The following SEC31A variants were observed in gnomAD, a reference collection of about 807,000 sequenced individuals.
SEC31A encodes the protein SEC31 homolog A, COPII component.
In SEC31A, 70 loss-of-function variants were observed where a neutral mutation model predicts 151.0. The observed-to-expected ratio is 0.46, with a 90% confidence interval of 0.38 to 0.57. SEC31A has a LOEUF of 0.57. Ranked by LOEUF, SEC31A falls within the 20% of genes least tolerant of loss-of-function variation. The pLI, the probability that SEC31A is intolerant of heterozygous loss-of-function variation, is 0.00. For synonymous variants in SEC31A, 475 were observed against 505.9 expected (o/e 0.94, Z 0.82); for missense variants, 1,330 against 1,471.2 (o/e 0.90, Z 1.57).
chr4:82,871,685 T>C (rs902063683), intron 7 of SEC31A: 21 of 526,802 alleles, frequency 4.0e-5, no homozygotes, highest in Non-Finnish European at 5.6e-5. Context: ...TATAAAACTA[T>C]AAAAATTTCC....
At chr4:82,849,797 T>TA (rs767211296) in intron 19 of SEC31A, among the ~76,000 whole-genome samples, 3 of 152,050 alleles carry the variant, frequency 2.0e-5, no homozygotes, top group Non-Finnish European at 4.4e-5. Context: ...CATAGAGACT[T>TA]ACAAAAGTAT....
At chr4:82,890,787 C>G (rs1719536573) in intron 1 of SEC31A, 1 of 1,274,266 alleles carries the variant, frequency 7.8e-7, no homozygotes, top group African/African-American at 1.6e-5. Flanking sequence ...CTCCTAATCT[C>G]AAACTCCAGT....
intron 10 of SEC31A, 29 bp downstream of exon 10, chr4:82,866,779 T>C (rs925943900): frequency 2.0e-5 from 32 of 1,590,448 alleles, no homozygotes; most frequent in Non-Finnish European, 2.6e-5. Flanking sequence ...CCTTTGTGCC[T>C]ATGGACCATA....
At chr4:82,847,485 A>G (rs1054436315) in intron 20 of SEC31A, among the ~76,000 whole-genome samples, 3 of 152,236 alleles carry the variant, frequency 2.0e-5, no homozygotes, top group African/African-American at 7.2e-5. Context: ...AAGGACATAA[A>G]GAGCAAATAT....
At chr4:82,836,136 A>G (rs1727187243) in intron 22 of SEC31A, among the ~76,000 whole-genome samples, 1 of 152,148 alleles carries the variant, frequency 6.6e-6, no homozygotes, top group South Asian at 2.1e-4. Flanking sequence ...GCACTTTGGG[A>G]GGCCAAGGTG....
chr4:82,890,849 G>C, intron 1 of SEC31A: 1 of 1,333,380 alleles, frequency 7.5e-7, no homozygotes, highest in Non-Finnish European at 9.6e-7. Context: ...GCCTCGGGTG[G>C]CTTTTGCTCA....
intron 3 of SEC31A, among the ~76,000 whole-genome samples, chr4:82,879,839 C>T (rs1167193390): frequency 6.6e-6 from 1 of 152,142 alleles, no homozygotes; most frequent in Non-Finnish European, 1.5e-5. Context: ...TACCTAGTTA[C>T]CTAGTGTATT....
chr4:82,872,321 C>T (rs1177585782), intron 6 of SEC31A, among the ~76,000 whole-genome samples: 2 of 152,062 alleles, frequency 1.3e-5, no homozygotes, highest in East Asian at 3.9e-4. Context: ...TCCTGAGTAG[C>T]TGGGATTACA....
In SEC31A at chr4:82,857,690, C is replaced by G. The variant is rs1423854040; in HGVS notation, c.1701G>C (p.Gly567=). 6.4e-7 allele frequency: 1 copy of G among 1,566,058 alleles called. No individual in the cohort carries two copies. The highest frequency in any genetic ancestry group is 8.8e-7 in the Non-Finnish European group (1 of 1,138,776). Reference sequence around the variant, plus strand: ...AAATCAAAACCAACAAGTACTTACCCCCACTGACAGAGATATTAAATGTTC... The same window carrying G: ...AAATCAAAACCAACAAGTACTTACCGCCACTGACAGAGATATTAAATGTTC... ...SGGTFNISVS[G]DIDGLITQAL... is the part of the protein sequence containing the mutation. Residue 567 remains glycine, a splice_region_variant and synonymous_variant, in exon 15 of 27, where the codon GGG becomes GGC. Coordinates refer to ENST00000395310, the MANE Select transcript of SEC31A (RefSeq NM_001077207.4).
Position 82,880,890 on chromosome 4 carries a change from T to C in SEC31A, c.112A>G (p.Ser38Gly), listed in dbSNP as rs374652633. The part of the protein sequence containing the change: ...TSAQQLDATF[S>G]TNASLEIFEL... ...AATATCTCAAGGGAAGCATTCGTAC[T>C]AAATGTTGCATCCAATTGCTGAGCA... is the stretch of plus-strand genomic sequence containing the variant. The change falls in exon 3 of 27, where the codon AGT becomes GGT. Residue 38 changes from serine to glycine, a missense_variant. By Grantham distance (56) the Ser-to-Gly change is moderately conservative. Transcript: ENST00000395310. 5.2e-5 allele frequency: 83 copies of C among 1,610,674 alleles called. No homozygotes were observed. Among genetic ancestry groups the C allele is most frequent in the Non-Finnish European group, 6.9e-5 (81 of 1,177,288 alleles).
chr4:82,880,762 TTAAA>T (rs1739100106), intron 3 of SEC31A, 33 bp downstream of exon 3: 2 of 1,560,438 alleles, frequency 1.3e-6, no homozygotes, highest in African/African-American at 2.7e-5. Context: ...CAATATATAA[TTAAA>T]TAATCACATG....
chr4:82,857,097 G>C lies in SEC31A; in HGVS notation c.1736C>G (p.Thr579Arg). The change falls in exon 16 of 27, where the codon ACG becomes AGG. Residue 579 changes from threonine (T) to arginine (R), a missense_variant. Coordinates refer to ENST00000395310, the MANE Select transcript of SEC31A (RefSeq NM_001077207.4). ...IDGLITQALL[T>R]GNFESAVDLC... ...GTCAACAGCACTCTCAAAATTGCCCGTCAGCAAAGCCTGAGTAATTAAACC... is the reference window on the plus strand; with the variant it reads ...GTCAACAGCACTCTCAAAATTGCCCCTCAGCAAAGCCTGAGTAATTAAACC... 1 of 1,613,298 alleles carries C rather than the reference G, an allele frequency of 6.2e-7. No individual in the cohort carries two copies. Among genetic ancestry groups the C allele is most frequent in the Non-Finnish European group, 8.5e-7 (1 of 1,179,846 alleles).
At chr4:82,822,526 G>C (rs930132075) in intron 25 of SEC31A, among the ~76,000 whole-genome samples, 35 of 152,244 alleles carry the variant, frequency 2.3e-4, no homozygotes, top group Non-Finnish European at 1.6e-4. Context: ...AGAAGAGACA[G>C]GCCATCAAGG....
At chr4:82,860,827 T>TA (rs1733976858) in intron 14 of SEC31A, among the ~76,000 whole-genome samples, 1 of 152,122 alleles carries the variant, frequency 6.6e-6, no homozygotes, top group African/African-American at 2.4e-5. Context: ...ATTCCCTTGT[T>TA]AATTAAACTC....
At position 82,842,185 on chromosome 4, in the gene SEC31A, C is replaced by G. The variant is rs1199559803; in HGVS notation, c.2923G>C (p.Gly975Arg). ...SAYALPPGTTGTLPAASELPA... is the reference protein window; with the variant it reads ...SAYALPPGTTRTLPAASELPA... ...AGCTCACTGGCAGCAGGCAGTGTAC[C>G]TGTTGTTCCAGGAGGCAGTGCATAA... Residue 975 changes from glycine to arginine, a missense_variant, in exon 22 of 27, where the codon GGT (glycine) becomes CGT (arginine). Physicochemically the swap from Gly to Arg is moderately radical, Grantham distance 125. Coordinates refer to ENST00000395310, the MANE Select transcript of SEC31A (RefSeq NM_001077207.4). 6.3e-7 allele frequency: 1 copy of G among 1,594,996 alleles called. No homozygotes were observed. Among genetic ancestry groups the G allele is most frequent in the East Asian group, 2.2e-5 (1 of 44,664 alleles).
At chr4:82,853,489 A>T (rs1731888864) in intron 18 of SEC31A, 81 bp downstream of exon 18, 2 of 1,195,002 alleles carry the variant, frequency 1.7e-6, no homozygotes, top group Non-Finnish European at 2.3e-6. Flanking sequence ...AGAAAAAATG[A>T]ACTTATAGAT....
At chr4:82,839,565 T>A (rs1578174811) in intron 22 of SEC31A, among the ~76,000 whole-genome samples, 1 of 152,222 alleles carries the variant, frequency 6.6e-6, no homozygotes, top group Non-Finnish European at 1.5e-5. Flanking sequence ...GGATTACAAG[T>A]GTGAGCTACC....
rs921766081 is a variant in SEC31A, at chr4:82,837,146, A to C, written c.2968+4994T>G. On this transcript the variant is annotated intron_variant, in intron 22 of 26. Transcript: ENST00000395310. ...GAGCTGTACCTTCAAACATGGTTAA[A>C]ATAAATTTTATCATATATATATATA... Among the ~76,000 whole-genome samples the C allele has an allele frequency of 2.3e-5, 3 of 130,546 alleles. No individual in the cohort carries two copies. In the South Asian group the frequency reaches 7.3e-4, roughly 32 times the overall value. The allele number at this position is 130,546 out of a possible 152,430, so 85.6% of individuals were successfully genotyped here.
chr4:82,833,236 T>G (rs991065796), intron 22 of SEC31A, among the ~76,000 whole-genome samples: 11 of 152,038 alleles, frequency 7.2e-5, no homozygotes, highest in African/African-American at 2.7e-4. Flanking sequence ...TAAAAAAGGA[T>G]GAGTTCATGT....
Sources: allele counts gnomAD v4.1 joint callset (sites outside exome capture counted in the v4.1 genomes callset), GRCh38; gene constraint gnomAD v4.1.1; transcripts MANE v1.5; gene names NCBI Gene and HGNC (gene_info 2026-07-23, HGNC 2026-07-21).